The following GCA variants were observed in gnomAD, a reference collection of about 807,000 sequenced individuals.
The protein encoded by GCA is grancalcin, also known as grancalcin, EF-hand calcium-binding protein.
In GCA, 30 loss-of-function variants were observed where a neutral mutation model predicts 32.6. The ratio of observed to expected loss-of-function variants is 0.92; its 90% CI spans 0.69 to 1.25. The LOEUF (loss-of-function observed/expected upper bound fraction) is 1.25. Ranked by LOEUF, GCA falls within the 50% of genes most tolerant of loss-of-function variation. The pLI, the probability that GCA is intolerant of heterozygous loss-of-function variation, is 0.00. For synonymous variants in GCA, 102 were observed against 84.6 expected (o/e 1.21, Z -1.13); for missense variants, 291 against 266.8 (o/e 1.09, Z -0.63).
At chr2:162,373,815 G>A (rs945105081), downstream of GCA, among the ~76,000 whole-genome samples, 2 of 152,152 alleles carry the variant, frequency 1.3e-5, no homozygotes, top group Admixed American at 6.5e-5. Context: ...CTTTCCTGAC[G>A]GATACTTACT....
chr2:162,374,915 A>C (rs1444605931), downstream of GCA, among the ~76,000 whole-genome samples: 1 of 152,156 alleles, frequency 6.6e-6, no homozygotes, highest in East Asian at 1.9e-4. Context: ...GGAAAAATTG[A>C]GTTATCAACT....
upstream of GCA, among the ~76,000 whole-genome samples, chr2:162,340,134 T>C (rs1020936975): frequency 6.6e-6 from 1 of 152,178 alleles, no homozygotes; most frequent in African/African-American, 2.4e-5. Flanking sequence ...TAAAAATAAA[T>C]TCTTTGCCAC....
At chr2:162,375,077 C>A (rs1215084010), downstream of GCA, among the ~76,000 whole-genome samples, 2 of 152,036 alleles carry the variant, frequency 1.3e-5, no homozygotes, top group Non-Finnish European at 2.9e-5. Context: ...TATCTGTATC[C>A]CAAAATCTTT....
Position 162,356,790 on chromosome 2 carries a change from A to C in GCA, c.339A>C (p.Ala113=), listed in dbSNP as rs1685296815. 5.6e-6 allele frequency: 9 copies of C among 1,609,020 alleles called. No homozygotes were observed. The highest frequency in any genetic ancestry group is 7.6e-6 in the Non-Finnish European group (9 of 1,176,482). ...RDHTGKMGFN[A]FKELWAALNA... ...ACACAGGAAAAATGGGATTTAATGC[A>C]TTCAAAGAGCTATGGGCAGCTCTTA... The change falls in exon 5 of 8, where the codon GCA becomes GCC. Residue 113 remains alanine, a synonymous_variant. Coordinates refer to ENST00000437150, the MANE Select transcript of GCA (RefSeq NM_012198.5).
Position 162,360,942 on chromosome 2 carries a change from T to C in GCA, c.*699T>C. 1.7e-6 allele frequency: 2 copies of C among 1,143,250 alleles called. No homozygotes were observed. The highest frequency in any genetic ancestry group is 2.2e-6 in the Non-Finnish European group (2 of 928,688). The allele number at this position is 1,143,250 out of a possible 1,614,324, so 70.8% of individuals were successfully genotyped here. A position where few individuals can be genotyped will look rare whatever the true frequency, so the allele number is the denominator to read the frequency against. On this transcript the variant is annotated 3_prime_UTR_variant, in exon 8 of 8. Coordinates refer to ENST00000437150, the MANE Select transcript of GCA (RefSeq NM_012198.5). ...ACATAGTATTTCTCTCTGCGTCCTA[T>C]TTCATTAGTGAAGACATAGTTCACC...
At chr2:162,348,334 C>A (rs777862054) in intron 2 of GCA, among the ~76,000 whole-genome samples, 7 of 152,018 alleles carry the variant, frequency 4.6e-5, no homozygotes, top group Non-Finnish European at 7.4e-5. Context: ...TTAAAAAAAA[C>A]TCAGTTAAAA....
downstream of GCA, among the ~76,000 whole-genome samples, chr2:162,374,886 T>A (rs549597350): frequency 6.6e-6 from 1 of 152,272 alleles, no homozygotes; most frequent in South Asian, 2.1e-4. Flanking sequence ...TTTGCAAATG[T>A]CAAAACCACT....
chr2:162,345,108 G>GTGGTGGTGA (rs1684620933), intron 1 of GCA, among the ~76,000 whole-genome samples: 1 of 146,098 alleles, frequency 6.8e-6, no homozygotes, highest in Non-Finnish European at 1.5e-5. Context: ...GGTGGTGGTG[G>GTGGTGGTGA]TGGTGGTGGT....
intron 1 of GCA, among the ~76,000 whole-genome samples, chr2:162,336,573 G>C (rs923969087): frequency 6.6e-6 from 1 of 152,026 alleles, no homozygotes; most frequent in Non-Finnish European, 1.5e-5. Context: ...GGTTGCCATA[G>C]TGCCTCTCTT....
At chr2:162,356,357 A>G (rs567099864) in intron 3 of GCA, 81 bp from the exon 4 acceptor site, 3 of 816,754 alleles carry the variant, frequency 3.7e-6, no homozygotes, top group East Asian at 2.4e-5. Context: ...TTAATGTTTT[A>G]TTTTGAAACT....
At chr2:162,348,187 AC>A (rs1684806286) in intron 2 of GCA, among the ~76,000 whole-genome samples, 1 of 152,214 alleles carries the variant, frequency 6.6e-6, no homozygotes, top group African/African-American at 2.4e-5. Context: ...GTGATAGATA[AC>A]ACAAAGCTAA....
chr2:162,352,813 G>A (rs564113273), intron 3 of GCA, among the ~76,000 whole-genome samples: 1 of 152,174 alleles, frequency 6.6e-6, no homozygotes, highest in East Asian at 1.9e-4. Context: ...CCATCCTCCT[G>A]TCCTTCCAAT....
At chr2:162,346,912 A>G (rs1016698464) in intron 1 of GCA, among the ~76,000 whole-genome samples, 2 of 152,202 alleles carry the variant, frequency 1.3e-5, no homozygotes, top group African/African-American at 2.4e-5. Context: ...AATCCCACAT[A>G]TATAAACTGT....
chr2:162,368,143 C>G (rs1685815174), intron 4 of GCA, among the ~76,000 whole-genome samples: 1 of 151,900 alleles, frequency 6.6e-6, no homozygotes, highest in South Asian at 2.1e-4. Flanking sequence ...GCATTTCTGC[C>G]AAGTCTCCAG....
intron 1 of GCA, among the ~76,000 whole-genome samples, chr2:162,320,581 G>T (rs868016558): frequency 1.3e-5 from 2 of 152,286 alleles, no homozygotes; most frequent in African/African-American, 4.8e-5. Context: ...TGCTCTGGAA[G>T]AGAAAGGATC....
At chr2:162,319,301 C>A in intron 1 of GCA, 1 of 453,308 alleles carries the variant, frequency 2.2e-6, no homozygotes, top group South Asian at 1.6e-5. Context: ...ATTTATGCAG[C>A]TTTGACCAGG....
Position 162,362,706 on chromosome 2 carries a change from G to A in GCA, c.*2463G>A, listed in dbSNP as rs957176131. The A allele has an allele frequency of 4.6e-5, 16 of 345,126 alleles. No homozygotes were observed. The highest frequency in any genetic ancestry group is 2.0e-4 in the Admixed American group (3 of 15,272). The allele number at this position is 345,126 out of a possible 1,614,324, so 21.4% of individuals were successfully genotyped here. A position where few individuals can be genotyped will look rare whatever the true frequency, so the allele number is the denominator to read the frequency against. ...GAGATGCTTCAGTTCAAATAACAGT[G>A]CAGTAATTCACCTATATCTAAAAGA... On this transcript the variant is annotated 3_prime_UTR_variant, in exon 8 of 8. Coordinates refer to ENST00000437150, the MANE Select transcript of GCA (RefSeq NM_012198.5).
In GCA at chr2:162,360,216, G is replaced by A. The variant is rs201111056; in HGVS notation, c.628-1G>A. On this transcript the variant is annotated splice_acceptor_variant, in intron 7 of 7. Coordinates refer to ENST00000437150, the MANE Select transcript of GCA (RefSeq NM_012198.5). LOFTEE classifies it high-confidence loss of function. ...AGATAATAATTTCACTTATGTATTA[G>A]TTTTTGCAGGGCACTATGGCAATTT... The A allele has an allele frequency of 4.6e-6, 7 of 1,526,502 alleles. No homozygotes were observed. The highest frequency in any genetic ancestry group is 6.3e-6 in the Non-Finnish European group (7 of 1,108,936). 94.6% of individuals were successfully genotyped at this position (1,526,502 alleles called of 1,614,324 possible).
Position 162,359,487 on chromosome 2 carries a change from T to C in GCA, c.569-7T>C. 7.0e-7 allele frequency: 1 copy of C among 1,428,448 alleles called. No homozygotes were observed. Among genetic ancestry groups the C allele is most frequent in the Non-Finnish European group, 9.7e-7 (1 of 1,025,694 alleles). The allele number at this position is 1,428,448 out of a possible 1,614,324, so 88.5% of individuals were successfully genotyped here. On this transcript the variant is annotated splice_polypyrimidine_tract_variant and splice_region_variant and intron_variant, in intron 6 of 7. Transcript: ENST00000437150. ...TTACAATAAAAAAGTAATTTCTTTG[T>C]TTAAAGATTTCTTTAGGAAAAGAGA...
Sources: gnomAD v4.1 joint callset for allele counts (sites outside exome capture counted in the v4.1 genomes callset) on GRCh38, gnomAD v4.1.1 for gene constraint, MANE v1.5 for transcripts, NCBI Gene and HGNC (gene_info 2026-07-23, HGNC 2026-07-21) for gene names.